Variants in EGLN1 observed in about 807,000 individuals in gnomAD.
EGLN1 encodes the protein egl-9 family hypoxia inducible factor 1, also known as egl nine homolog 1.
EGLN1 carries 17 observed loss-of-function variants against 38.3 expected under a neutral mutation model. The ratio of observed to expected loss-of-function variants is 0.44; its 90% CI spans 0.30 to 0.67. The LOEUF is 0.67. Among genes scored for constraint, EGLN1 ranks in the 30% least tolerant of loss-of-function variants. The pLI is 0.08. For synonymous variants in EGLN1, 283 were observed against 257.5 expected (o/e 1.10, Z -0.95); for missense variants, 477 against 603.3 (o/e 0.79, Z 2.19).
chr1:231,417,549 A>G lies in EGLN1; in HGVS notation c.891+3449T>C, dbSNP rs1330410542. Among the ~76,000 whole-genome samples, 4 of 152,116 alleles carry G rather than the reference A, an allele frequency of 2.6e-5. No individual in the cohort carries two copies. In the East Asian group the frequency reaches 5.8e-4, roughly 22 times the overall value. Reference sequence around the variant, plus strand: ...GCAGACCATGGTTTCTTTCTACTGCATATCATTGAGACTCTTCTTGATGAA... The same window carrying G: ...GCAGACCATGGTTTCTTTCTACTGCGTATCATTGAGACTCTTCTTGATGAA... On this transcript the variant is annotated intron_variant, in intron 1 of 4. Transcript: ENST00000366641.
At chr1:231,381,644 ACT>A (rs1401360395) in intron 1 of EGLN1, among the ~76,000 whole-genome samples, 3 of 152,138 alleles carry the variant, frequency 2.0e-5, no homozygotes, top group African/African-American at 4.8e-5. Flanking sequence ...ATGCCTTAGT[ACT>A]CTCTGAGCTT....
At chr1:231,396,203 C>CT (rs929789047) in intron 1 of EGLN1, among the ~76,000 whole-genome samples, 32 of 151,744 alleles carry the variant, frequency 2.1e-4, no homozygotes, top group Non-Finnish European at 4.3e-4. Context: ...TCCCCACCCC[C>CT]TTCCTCTACT....
In EGLN1 at chr1:231,365,865, A is replaced by T. The variant is rs1687631901; in HGVS notation, c.*546T>A. ...ATTAAAGTGCTCCTTTTCTTATTTT[A>T]AGTAAAATAAAATTAATCATCAGTC... On this transcript the variant is annotated 3_prime_UTR_variant, in exon 5 of 5. Coordinates refer to ENST00000366641, the MANE Select transcript of EGLN1 (RefSeq NM_022051.3). 6.5e-6 allele frequency: 1 copy of T among 154,352 alleles called. No homozygotes were observed. Among genetic ancestry groups the T allele is most frequent in the Non-Finnish European group, 1.4e-5 (1 of 69,254 alleles). The allele number at this position is 154,352 out of a possible 1,614,324, so 9.6% of individuals were successfully genotyped here. A position where few individuals can be genotyped will look rare whatever the true frequency, so the allele number is the denominator to read the frequency against.
intron 1 of EGLN1, among the ~76,000 whole-genome samples, chr1:231,392,236 G>A (rs188883448): frequency 1.8e-4 from 28 of 152,158 alleles, no homozygotes; most frequent in South Asian, 4.1e-4. Context: ...GCAGTTAGCC[G>A]AGATCGCGCC....
intron 1 of EGLN1, among the ~76,000 whole-genome samples, chr1:231,415,530 T>C (rs1387485830): frequency 6.6e-6 from 1 of 152,084 alleles, no homozygotes. Flanking sequence ...TTTCTCCAGT[T>C]TATCGGAGGG....
chr1:231,397,761 G>C (rs1192088873), intron 1 of EGLN1, among the ~76,000 whole-genome samples: 1 of 152,122 alleles, frequency 6.6e-6, no homozygotes, highest in Non-Finnish European at 1.5e-5. Context: ...AGATCTCCAA[G>C]GGCACATAAG....
At position 231,365,837 on chromosome 1, in the gene EGLN1, G is replaced by T. The variant is rs1687631317; in HGVS notation, c.*574C>A. On this transcript the variant is annotated 3_prime_UTR_variant, in exon 5 of 5. Coordinates refer to ENST00000366641, the MANE Select transcript of EGLN1 (RefSeq NM_022051.3). ...TACAAAACAATCTGATTTTTCAGTTGTAATTAAAGTGCTCCTTTTCTTATT... is the reference window on the plus strand; with the variant it reads ...TACAAAACAATCTGATTTTTCAGTTTTAATTAAAGTGCTCCTTTTCTTATT... 1.3e-5 allele frequency: 2 copies of T among 154,050 alleles called. No individual in the cohort carries two copies. Among genetic ancestry groups the T allele is most frequent in the African/African-American group, 2.4e-5 (1 of 41,424 alleles). 9.5% of individuals were successfully genotyped at this position (154,050 alleles called of 1,614,324 possible).
intron 1 of EGLN1, among the ~76,000 whole-genome samples, chr1:231,398,768 C>T (rs149129517): frequency 1.1e-4 from 17 of 152,098 alleles, no homozygotes; most frequent in African/African-American, 4.1e-4. Flanking sequence ...AATACACACA[C>T]GATAAAGTGA....
At chr1:231,369,988 AC>A (rs1687774584) in intron 3 of EGLN1, among the ~76,000 whole-genome samples, 1 of 152,210 alleles carries the variant, frequency 6.6e-6, no homozygotes, top group East Asian at 1.9e-4. Flanking sequence ...GGTTGCAAAT[AC>A]CTTGTAGAAA....
chr1:231,382,948 C>T (rs1292494179), intron 1 of EGLN1, among the ~76,000 whole-genome samples: 2 of 151,112 alleles, frequency 1.3e-5, no homozygotes, highest in Non-Finnish European at 2.9e-5. Context: ...ATCCCAGCTA[C>T]TCGGGAGGCT....
chr1:231,399,368 G>A (rs1688608411), intron 1 of EGLN1, among the ~76,000 whole-genome samples: 2 of 152,200 alleles, frequency 1.3e-5, no homozygotes, highest in Non-Finnish European at 2.9e-5. Flanking sequence ...GCTAATATGT[G>A]GCAGGGGTAG....
intron 1 of EGLN1, among the ~76,000 whole-genome samples, chr1:231,397,723 T>C (rs927142530): frequency 2.6e-5 from 4 of 152,206 alleles, no homozygotes; most frequent in South Asian, 4.1e-4. Context: ...CAAAAATATT[T>C]AACTTAATAA....
At chr1:231,412,584 A>G (rs1688981818) in intron 1 of EGLN1, among the ~76,000 whole-genome samples, 1 of 152,222 alleles carries the variant, frequency 6.6e-6, no homozygotes, top group Non-Finnish European at 1.5e-5. Context: ...GTTTCCTGCA[A>G]TAATTCCTGA....
chr1:231,415,774 T>G (rs1189507225), intron 1 of EGLN1, among the ~76,000 whole-genome samples: 1 of 151,940 alleles, frequency 6.6e-6, no homozygotes, highest in Admixed American at 6.6e-5. Context: ...ATTAAGAAAC[T>G]GGACTAAGGA....
At chr1:231,386,343 A>C (rs1270672895) in intron 1 of EGLN1, among the ~76,000 whole-genome samples, 2 of 152,192 alleles carry the variant, frequency 1.3e-5, no homozygotes, top group Admixed American at 1.3e-4. Flanking sequence ...TCCATTTTAC[A>C]AATAATTTTA....
chr1:231,387,217 C>G (rs987069416), intron 1 of EGLN1, among the ~76,000 whole-genome samples: 1 of 141,186 alleles, frequency 7.1e-6, no homozygotes, highest in African/African-American at 2.6e-5. Flanking sequence ...CAAAATAACA[C>G]CGGCATGCTA....
At chr1:231,381,324 C>T (rs1263773661) in intron 1 of EGLN1, among the ~76,000 whole-genome samples, 1 of 151,916 alleles carries the variant, frequency 6.6e-6, no homozygotes, top group Non-Finnish European at 1.5e-5. Context: ...TTTTTATTAT[C>T]GGTACAGGAA....
Position 231,421,418 on chromosome 1 carries a change from C to G in EGLN1, c.471G>C (p.Gln157His), listed in dbSNP as rs61750991. ...TTGGGGGGTACAGGTTCGCCTTCTCCTGGAACAGCGATGAGCGGGCCGGCG... is the reference window on the plus strand; with the variant it reads ...TTGGGGGGTACAGGTTCGCCTTCTCGTGGAACAGCGATGAGCGGGCCGGCG... ...EEPPARSSLF[Q>H]EKANLYPPSN... The change falls in exon 1 of 5, where the codon CAG becomes CAC. Residue 157 changes from glutamine to histidine, a missense_variant. Physicochemically the swap from Gln to His is conservative, Grantham distance 24 (BLOSUM62 0). This residue lies in a region of EGLN1 where 298 missense variants were observed against 288.9 expected (regional missense o/e 1.03). Coordinates refer to ENST00000366641, the MANE Select transcript of EGLN1 (RefSeq NM_022051.3). This position sits in a 1 kb window ranked among gnomAD's most constrained non-coding sequence, Gnocchi z 5.5. 39,456 of 1,586,690 alleles carry G rather than the reference C, an allele frequency of 0.025. 650 individuals carry two copies. Among genetic ancestry groups the G allele is most frequent in the Non-Finnish European group, 0.03 (34,391 of 1,163,550 alleles).
chr1:231,370,733 C>T (rs1687799177), intron 2 of EGLN1, 35 bp from the exon 3 acceptor site: 2 of 1,612,180 alleles, frequency 1.2e-6, no homozygotes, highest in Middle Eastern at 1.6e-4. Context: ...GCAGGAGTAA[C>T]CAAAAATGCT....
Sources: gnomAD v4.1 joint callset for allele counts (sites outside exome capture counted in the v4.1 genomes callset) on GRCh38, gnomAD v4.1.1 for gene constraint, gnomAD v4.1.1 regional missense constraint, Gnocchi (gnomAD v3.1) non-coding constraint, MANE v1.5 for transcripts, NCBI Gene and HGNC (gene_info 2026-07-23, HGNC 2026-07-21) for gene names.